Variants in ERBB4 observed in about 807,000 individuals in gnomAD.
The protein encoded by ERBB4 is erb-b2 receptor tyrosine kinase 4.
In ERBB4, 42 loss-of-function variants were observed where a neutral mutation model predicts 158.0. That is an observed-to-expected ratio of 0.27 (90% confidence interval 0.21 to 0.34). The LOEUF is 0.34. Among genes scored for constraint, ERBB4 ranks in the 10% least tolerant of loss-of-function variants. The probability of loss-of-function intolerance (pLI) is 1.00; values close to 1 mark genes in which losing one functional copy is unlikely to be tolerated. For synonymous variants in ERBB4, 583 were observed against 558.7 expected (o/e 1.04, Z -0.61); for missense variants, 1,333 against 1,624.1 (o/e 0.82, Z 3.08).
chr2:212,034,060 CTT>C (rs2125355521), intron 2 of ERBB4, among the ~76,000 whole-genome samples: 1 of 151,952 alleles, frequency 6.6e-6, no homozygotes, highest in South Asian at 2.1e-4. Flanking sequence ...TTTCTTGTCT[CTT>C]AAAATCAGTA....
chr2:211,977,259 T>A (rs546111270), intron 2 of ERBB4, among the ~76,000 whole-genome samples: 2 of 152,224 alleles, frequency 1.3e-5, no homozygotes, highest in South Asian at 4.1e-4. Context: ...AAGTTGGAAG[T>A]CTTTCCCTTA....
chr2:212,223,871 C>T lies in ERBB4; in HGVS notation c.83-98968G>A, dbSNP rs1211873270. 3.3e-5 allele frequency among the ~76,000 whole-genome samples: 5 copies of T among 151,734 alleles called. No homozygotes were observed. The Admixed American group carries it at 3.3e-4, about 10-fold the overall frequency. ...CATCAGTGTTTGAATTTAGTCAAAG[C>T]CTGGAAAATGAATCCTGAGGGAATA... On this transcript the variant is annotated intron_variant, in intron 1 of 27. Transcript: ENST00000342788.
intron 16 of ERBB4, among the ~76,000 whole-genome samples, chr2:211,645,311 T>G (rs2070747231): frequency 6.6e-6 from 1 of 151,646 alleles, no homozygotes; most frequent in African/African-American, 2.4e-5. Context: ...CCTCACAATC[T>G]ATTCTTAGTG....
intron 3 of ERBB4, among the ~76,000 whole-genome samples, chr2:211,865,893 C>A (rs1027659797): frequency 6.6e-5 from 10 of 152,090 alleles, no homozygotes; most frequent in Non-Finnish European, 1.3e-4. Context: ...ACTCTTAATT[C>A]TTTAAAGTGT....
intron 2 of ERBB4, among the ~76,000 whole-genome samples, chr2:211,967,033 TG>T (rs2081327613): frequency 1.3e-5 from 2 of 152,170 alleles, no homozygotes; most frequent in South Asian, 4.1e-4. Flanking sequence ...TTGCATTAAA[TG>T]GGCTGAAGAT....
chr2:211,774,485 A>G (rs577214010), intron 4 of ERBB4, among the ~76,000 whole-genome samples: 2 of 152,238 alleles, frequency 1.3e-5, no homozygotes, highest in Admixed American at 6.5e-5. Flanking sequence ...ATTTGTTTAT[A>G]TCCGCCTCTT....
chr2:212,014,082 G>A (rs374361652), intron 2 of ERBB4, among the ~76,000 whole-genome samples: 6 of 152,260 alleles, frequency 3.9e-5, no homozygotes, highest in African/African-American at 1.4e-4. Flanking sequence ...TGGAAATACT[G>A]GAGAAAAACC....
intron 22 of ERBB4, among the ~76,000 whole-genome samples, chr2:211,425,046 G>A (rs2063596022): frequency 6.6e-6 from 1 of 152,140 alleles, no homozygotes. Context: ...TGGTGATAAT[G>A]ATGGTTCTGA....
intron 20 of ERBB4, among the ~76,000 whole-genome samples, chr2:211,542,355 G>T (rs966913621): frequency 1.5e-4 from 23 of 151,932 alleles, no homozygotes; most frequent in African/African-American, 5.3e-4. Flanking sequence ...TGACACTATG[G>T]AGTGGAAGAG....
intron 3 of ERBB4, among the ~76,000 whole-genome samples, chr2:211,813,622 GT>G (rs1307208728): frequency 6.6e-6 from 1 of 151,910 alleles, no homozygotes; most frequent in African/African-American, 2.4e-5. Flanking sequence ...TTTTCTGGGA[GT>G]TTTTTTCCCC....
At chr2:211,490,665 T>C (rs1048339488) in intron 20 of ERBB4, among the ~76,000 whole-genome samples, 22 of 152,136 alleles carry the variant, frequency 1.4e-4, no homozygotes, top group African/African-American at 5.1e-4. Flanking sequence ...TAAGTCTCAT[T>C]GCCTATGGTT....
intron 12 of ERBB4, among the ~76,000 whole-genome samples, chr2:211,694,948 A>C (rs1442411696): frequency 6.6e-6 from 1 of 152,200 alleles, no homozygotes; most frequent in Non-Finnish European, 1.5e-5. Context: ...GGTAAATCTT[A>C]ATTTATAATC....
chr2:211,922,444 C>CT (rs562280970), intron 3 of ERBB4, among the ~76,000 whole-genome samples: 8 of 151,304 alleles, frequency 5.3e-5, no homozygotes, highest in African/African-American at 1.9e-4. Flanking sequence ...AGTTTATCAA[C>CT]TTTTTTTTTC....
intron 1 of ERBB4, among the ~76,000 whole-genome samples, chr2:212,252,626 G>A (rs2084580904): frequency 6.6e-6 from 1 of 152,036 alleles, no homozygotes; most frequent in African/African-American, 2.4e-5. Flanking sequence ...AAGAAATCAG[G>A]ATGTAGCCAG....
At chr2:211,598,530 C>G (rs2068705521) in intron 19 of ERBB4, among the ~76,000 whole-genome samples, 1 of 152,104 alleles carries the variant, frequency 6.6e-6, no homozygotes, top group Admixed American at 6.5e-5. Context: ...GTTGAATCCT[C>G]TGTGTGGTTT....
At chr2:212,448,129 T>C (rs1321559459) in intron 1 of ERBB4, among the ~76,000 whole-genome samples, 1 of 152,128 alleles carries the variant, frequency 6.6e-6, no homozygotes, top group African/African-American at 2.4e-5. Context: ...CTGTAATCTC[T>C]AAGATAATAT....
In ERBB4 at chr2:212,444,230, A is replaced by G. The variant is rs192264697; in HGVS notation, c.82+94219T>C. Among the ~76,000 whole-genome samples, 3 of 152,296 alleles carry G rather than the reference A, an allele frequency of 2.0e-5. No homozygotes were observed. In the South Asian group the frequency reaches 6.2e-4, roughly 32 times the overall value. ...CTGCACAATATGCAAGCACTACCTG[A>G]AAGTGGACAGCTGTAGCACTACAGC... On this transcript the variant is annotated intron_variant, in intron 1 of 27. Coordinates refer to ENST00000342788, the MANE Select transcript of ERBB4 (RefSeq NM_005235.3).
At chr2:212,059,408 C>A (rs905016522) in intron 2 of ERBB4, among the ~76,000 whole-genome samples, 1 of 152,168 alleles carries the variant, frequency 6.6e-6, no homozygotes, top group African/African-American at 2.4e-5. Context: ...CATCAAGCTA[C>A]CAATGACTTT....
intron 1 of ERBB4, among the ~76,000 whole-genome samples, chr2:212,498,650 A>G (rs1690714444): frequency 6.6e-6 from 1 of 152,084 alleles, no homozygotes; most frequent in Non-Finnish European, 1.5e-5. Context: ...GTAGTGAAAT[A>G]ATGTTTTTAT....
Sources: allele counts gnomAD v4.1 joint callset (sites outside exome capture counted in the v4.1 genomes callset), GRCh38; gene constraint gnomAD v4.1.1; transcripts MANE v1.5; gene names NCBI Gene and HGNC (gene_info 2026-07-23, HGNC 2026-07-21).